Variants in ZNF536 observed in about 807,000 individuals in gnomAD.
ZNF536 encodes the protein zinc finger protein 536.
A neutral mutation model predicts 84.5 loss-of-function variants in ZNF536; 13 were observed. That is an observed-to-expected ratio of 0.15 (90% CI 0.10 to 0.24). The LOEUF is 0.24. ZNF536 is among the 10% of genes least tolerant of loss of function. ZNF536 has a pLI of 1.00. For missense variants in ZNF536, 1,536 were observed against 1,747.5 expected (o/e 0.88, Z 2.16); for synonymous variants, 811 against 742.5 (o/e 1.09, Z -1.50).
At chr19:30,297,948 T>A (rs1438351990) in intron 2 of ZNF536, among the ~76,000 whole-genome samples, 3 of 150,274 alleles carry the variant, frequency 2.0e-5, no homozygotes. Context: ...TGGTGCGATC[T>A]TGGCTCACTG....
At chr19:30,289,536 G>A (rs961500960) in intron 2 of ZNF536, among the ~76,000 whole-genome samples, 4 of 152,212 alleles carry the variant, frequency 2.6e-5, no homozygotes, top group African/African-American at 7.2e-5. Flanking sequence ...TGCACAGGCC[G>A]ACTTCCCCTG....
At chr19:30,498,939 G>A (rs1043972476) in intron 2 of ZNF536, among the ~76,000 whole-genome samples, 2 of 152,106 alleles carry the variant, frequency 1.3e-5, no homozygotes, top group Admixed American at 6.6e-5. Flanking sequence ...CAGCTGAATC[G>A]TCACTGCTGT....
exon 2 of ZNF536, chr19:30,711,340 C>T (rs576107774): frequency 5.8e-4 from 88 of 152,274 alleles, no homozygotes; most frequent in African/African-American, 2.0e-3. Context: ...AAATAATGCT[C>T]TTAACTGAAA....
chr19:30,654,688 G>A (rs1322303741), intron 1 of ZNF536, among the ~76,000 whole-genome samples: 5 of 151,968 alleles, frequency 3.3e-5, no homozygotes, highest in African/African-American at 7.3e-5. Flanking sequence ...AGTGCTACTG[G>A]GGCACTGACT....
chr19:30,564,431 A>G (rs2046279904), intron 1 of ZNF536, among the ~76,000 whole-genome samples: 1 of 151,900 alleles, frequency 6.6e-6, no homozygotes. Flanking sequence ...GAGAGAGAGA[A>G]GGCCAGCAGA....
chr19:30,350,515 A>G (rs1374521384), intron 2 of ZNF536, among the ~76,000 whole-genome samples: 1 of 152,242 alleles, frequency 6.6e-6, no homozygotes. Flanking sequence ...TGAGAAAGAA[A>G]CTGGTGGGGA....
intron 1 of ZNF536, among the ~76,000 whole-genome samples, chr19:30,589,752 T>C (rs1007714337): frequency 2.0e-5 from 3 of 152,190 alleles, no homozygotes; most frequent in Non-Finnish European, 4.4e-5. Context: ...TGTTCATTCT[T>C]CAACTCTGTA....
intron 2 of ZNF536, among the ~76,000 whole-genome samples, chr19:30,297,232 A>G (rs2046026187): frequency 6.6e-6 from 1 of 152,008 alleles, no homozygotes; most frequent in South Asian, 2.1e-4. Flanking sequence ...TACTGTGATC[A>G]GTACCAGGCA....
intron 3 of ZNF536, among the ~76,000 whole-genome samples, chr19:30,543,577 AG>A (rs769423442): frequency 3.3e-5 from 5 of 152,228 alleles, no homozygotes; most frequent in African/African-American, 4.8e-5. Flanking sequence ...GAGTTAGCCC[AG>A]AGCGCTTGGG....
At chr19:30,229,884 T>C (rs1478538935) in intron 1 of ZNF536, among the ~76,000 whole-genome samples, 1 of 152,222 alleles carries the variant, frequency 6.6e-6, no homozygotes, top group African/African-American at 2.4e-5. Context: ...GTGGACTTTG[T>C]CTGCCTCAGT....
intron 1 of ZNF536, among the ~76,000 whole-genome samples, chr19:30,660,125 G>T (rs1329914262): frequency 6.6e-6 from 1 of 152,152 alleles, no homozygotes; most frequent in African/African-American, 2.4e-5. Context: ...CCTATTCGTG[G>T]AGAAACAATT....
At chr19:30,677,586 A>G (rs992594839) in intron 1 of ZNF536, among the ~76,000 whole-genome samples, 5 of 152,208 alleles carry the variant, frequency 3.3e-5, no homozygotes, top group Non-Finnish European at 5.9e-5. Flanking sequence ...GACACAGGAA[A>G]AGCTGGCGGC....
intron 1 of ZNF536, among the ~76,000 whole-genome samples, chr19:30,278,160 A>G (rs1032860111): frequency 1.3e-5 from 2 of 152,210 alleles, no homozygotes; most frequent in Non-Finnish European, 2.9e-5. Context: ...AAGACATGCC[A>G]TGCCACGTGG....
intron 1 of ZNF536, among the ~76,000 whole-genome samples, chr19:30,280,512 G>T (rs1380750950): frequency 1.3e-5 from 2 of 152,298 alleles, no homozygotes; most frequent in African/African-American, 4.8e-5. Context: ...ATGTGCCCGG[G>T]GTTTGCTGTG....
intron 2 of ZNF536, among the ~76,000 whole-genome samples, chr19:30,286,004 G>A (rs1411338419): frequency 1.3e-5 from 2 of 152,256 alleles, no homozygotes; most frequent in East Asian, 3.9e-4. Context: ...TTTGGCTTTG[G>A]GAGAGAAGAT....
intron 2 of ZNF536, among the ~76,000 whole-genome samples, chr19:30,482,478 C>T (rs1328141659): frequency 1.3e-5 from 2 of 152,090 alleles, no homozygotes; most frequent in African/African-American, 2.4e-5. Flanking sequence ...CCCAACCTAC[C>T]TAGCCTCACA....
At chr19:30,355,733 G>C (rs1262467662) in intron 3 of ZNF536, among the ~76,000 whole-genome samples, 2 of 152,072 alleles carry the variant, frequency 1.3e-5, no homozygotes, top group Admixed American at 1.3e-4. Flanking sequence ...GTTACTGCCT[G>C]AGCTCCACCT....
intron 2 of ZNF536, among the ~76,000 whole-genome samples, chr19:30,454,752 A>G (rs33440): frequency 0.6 from 90,423 of 151,936 alleles, 27,282 homozygotes; most frequent in Non-Finnish European, 0.64. Context: ...TCCACTTGGG[A>G]CCGGGTGTGG....
chr19:30,446,841 A>ACAACAACAACAC (rs150427729), intron 2 of ZNF536, among the ~76,000 whole-genome samples: 2,613 of 147,054 alleles, frequency 0.018, 37 homozygotes, highest in African/African-American at 0.033. Flanking sequence ...AACAACAACA[A>ACAACAACAACAC]AACACGCTAG....
Sources: allele counts gnomAD v4.1 joint callset (sites outside exome capture counted in the v4.1 genomes callset), GRCh38; gene constraint gnomAD v4.1.1; transcripts MANE v1.5; gene names NCBI Gene and HGNC (gene_info 2026-07-23, HGNC 2026-07-21).